The following FGGY variants were observed in gnomAD, a reference collection of about 807,000 sequenced individuals.
FGGY encodes the protein FGGY carbohydrate kinase domain containing, also known as FGGY carbohydrate kinase domain-containing protein.
In FGGY, 72 loss-of-function variants were observed where a neutral mutation model predicts 71.3. The observed-to-expected ratio is 1.01, with a 90% CI of 0.84 to 1.23. The LOEUF is 1.23. Ranked by LOEUF, FGGY falls within the 50% of genes most tolerant of loss-of-function variation. The pLI, the probability that FGGY is intolerant of heterozygous loss-of-function variation, is 0.00. For missense variants in FGGY, 668 were observed against 682.3 expected, an observed-to-expected ratio of 0.98 and a Z score of 0.23; for synonymous variants, 251 against 250.3, an observed-to-expected ratio of 1.00 and a Z score of -0.02.
At chr1:59,431,952 G>A (rs570813684) in intron 5 of FGGY, among the ~76,000 whole-genome samples, 76 of 152,320 alleles carry the variant, frequency 5.0e-4, no homozygotes, top group African/African-American at 1.8e-3. Context: ...GATAACTTCA[G>A]AATGGGAGTT....
At chr1:59,414,865 A>G (rs12063806) in intron 5 of FGGY, among the ~76,000 whole-genome samples, 58,615 of 152,152 alleles carry the variant, frequency 0.39, 11,974 homozygotes, top group African/African-American at 0.51. Flanking sequence ...GAGGCAGAAG[A>G]GCCCTCTGGT....
intron 10 of FGGY, among the ~76,000 whole-genome samples, chr1:59,636,485 T>C (rs1205243641): frequency 6.6e-6 from 1 of 151,990 alleles, no homozygotes; most frequent in Non-Finnish European, 1.5e-5. Flanking sequence ...TAGCCAGGCG[T>C]GGTGGCGGAC....
intron 5 of FGGY, among the ~76,000 whole-genome samples, chr1:59,391,871 T>C (rs181057694): frequency 3.9e-5 from 6 of 152,316 alleles, no homozygotes; most frequent in African/African-American, 1.2e-4. Flanking sequence ...AAAGTAGAAC[T>C]CTCTCTGAAT....
intron 5 of FGGY, among the ~76,000 whole-genome samples, chr1:59,450,607 T>G (rs111488574): frequency 2.0e-5 from 3 of 152,162 alleles, no homozygotes; most frequent in East Asian, 1.9e-4. Context: ...ATTACTCTTA[T>G]AGTTTACATG....
intron 3 of FGGY, among the ~76,000 whole-genome samples, chr1:59,341,591 G>T (rs1232650022): frequency 1.3e-5 from 2 of 152,122 alleles, no homozygotes; most frequent in Non-Finnish European, 1.5e-5. Context: ...AAATGCTGGG[G>T]CTTCAAAGAT....
At chr1:59,725,651 A>G (rs999244694) in intron 14 of FGGY, among the ~76,000 whole-genome samples, 2 of 150,488 alleles carry the variant, frequency 1.3e-5, no homozygotes, top group African/African-American at 2.4e-5. Context: ...TTTTTGCAGC[A>G]TGCTATTTTA....
chr1:59,522,094 C>T (rs963065626), intron 7 of FGGY, among the ~76,000 whole-genome samples: 4 of 152,216 alleles, frequency 2.6e-5, no homozygotes, highest in African/African-American at 9.6e-5. Context: ...AGGTACTTGA[C>T]TATTCACTAT....
chr1:59,538,151 G>GA (rs1170024970), intron 7 of FGGY, among the ~76,000 whole-genome samples: 1 of 151,774 alleles, frequency 6.6e-6, no homozygotes, highest in Non-Finnish European at 1.5e-5. Flanking sequence ...AAATTTACGA[G>GA]AAAAAAACAA....
intron 5 of FGGY, among the ~76,000 whole-genome samples, chr1:59,445,467 A>C (rs187192363): frequency 2.0e-5 from 3 of 152,316 alleles, no homozygotes; most frequent in Admixed American, 6.5e-5. Flanking sequence ...ATGTTCTGGA[A>C]GCCATTGTTT....
At chr1:59,695,927 A>G (rs1217990877) in intron 14 of FGGY, among the ~76,000 whole-genome samples, 2 of 152,048 alleles carry the variant, frequency 1.3e-5, no homozygotes, top group Non-Finnish European at 2.9e-5. Context: ...TACTTGTCAG[A>G]GAAAACTTTG....
At chr1:59,466,774 A>G (rs6587858) in intron 6 of FGGY, among the ~76,000 whole-genome samples, 55,633 of 152,178 alleles carry the variant, frequency 0.37, 10,880 homozygotes, top group Middle Eastern at 0.49. Context: ...ATCACTGGTC[A>G]TTAGATAAAT....
chr1:59,433,942 G>C (rs1197193840), intron 5 of FGGY, among the ~76,000 whole-genome samples: 8 of 152,210 alleles, frequency 5.3e-5, no homozygotes, highest in Admixed American at 5.2e-4. Flanking sequence ...GTTAGTGACA[G>C]AGACATGAAT....
At chr1:59,584,900 G>A (rs930681369) in intron 8 of FGGY, among the ~76,000 whole-genome samples, 1 of 140,452 alleles carries the variant, frequency 7.1e-6, no homozygotes, top group African/African-American at 3.0e-5. Flanking sequence ...GCCAAATCTT[G>A]AGTGAACTCC....
At chr1:59,334,162 A>G (rs1364859689) in intron 2 of FGGY, among the ~76,000 whole-genome samples, 3 of 151,792 alleles carry the variant, frequency 2.0e-5, no homozygotes, top group African/African-American at 7.3e-5. Flanking sequence ...ATTTTTTTTG[A>G]GATGGAGTCT....
intron 11 of FGGY, among the ~76,000 whole-genome samples, chr1:59,653,422 C>A (rs536490821): frequency 6.6e-6 from 1 of 152,092 alleles, no homozygotes; most frequent in Admixed American, 6.5e-5. Context: ...GGGCGTAGGA[C>A]CCTCCGAGCC....
intron 14 of FGGY, among the ~76,000 whole-genome samples, chr1:59,717,970 G>C (rs975264653): frequency 6.6e-6 from 1 of 152,126 alleles, no homozygotes; most frequent in Admixed American, 6.5e-5. Context: ...CACAGAAAAG[G>C]TTAAGTAACA....
chr1:59,737,005 C>T (rs927653432), intron 14 of FGGY, among the ~76,000 whole-genome samples: 1 of 152,210 alleles, frequency 6.6e-6, no homozygotes, highest in Non-Finnish European at 1.5e-5. Context: ...GCCCTGAATC[C>T]CAGCTGCTCC....
intron 7 of FGGY, among the ~76,000 whole-genome samples, chr1:59,515,321 G>A (rs185973089): frequency 7.9e-5 from 12 of 152,080 alleles, no homozygotes; most frequent in East Asian, 5.8e-4. Flanking sequence ...ACCTGTACCC[G>A]CATTGTATCT....
chr1:59,336,989 G>A (rs2049679594), intron 2 of FGGY, among the ~76,000 whole-genome samples: 1 of 144,072 alleles, frequency 6.9e-6, no homozygotes, highest in African/African-American at 2.8e-5. Flanking sequence ...AAATATATAT[G>A]TATATGTACA....
Sources: gnomAD v4.1 joint callset for allele counts (sites outside exome capture counted in the v4.1 genomes callset) on GRCh38, gnomAD v4.1.1 for gene constraint, MANE v1.5 for transcripts, NCBI Gene and HGNC (gene_info 2026-07-23, HGNC 2026-07-21) for gene names.